Variants in SDK1 observed in about 807,000 individuals in gnomAD.
SDK1 encodes the protein protein sidekick-1.
A neutral mutation model predicts 245.5 loss-of-function variants in SDK1; 157 were observed. The ratio of observed to expected loss-of-function variants is 0.64; its 90% CI spans 0.56 to 0.73. SDK1 has a LOEUF of 0.73. SDK1 is among the 30% of genes least tolerant of loss of function. The probability of loss-of-function intolerance (pLI) is 0.00; values close to 1 mark genes in which losing one functional copy is unlikely to be tolerated. For missense variants in SDK1, 3,583 were observed against 3,002.3 expected (o/e 1.19, Z -4.52); for synonymous variants, 1,647 against 1,278.5 (o/e 1.29, Z -6.15).
chr7:4,092,623 C>A (rs951381290), intron 22 of SDK1, among the ~76,000 whole-genome samples: 1 of 152,172 alleles, frequency 6.6e-6, no homozygotes, highest in Non-Finnish European at 1.5e-5. Context: ...CTGTGCCTGG[C>A]CCTGGGCTAG....
chr7:4,266,968 C>T lies in SDK1; in HGVS notation c.*1584C>T. 1.0e-6 allele frequency: 1 copy of T among 985,540 alleles called. No individual in the cohort carries two copies. Among genetic ancestry groups the T allele is most frequent in the Non-Finnish European group, 1.2e-6 (1 of 829,996 alleles). 61.0% of individuals were successfully genotyped at this position (985,540 alleles called of 1,614,324 possible). ...ACCAGTGCCACCCAGGAGCCAGTCTCCTGGCCACATGCAGAAAGTGTGGCC... is the reference window on the plus strand; with the variant it reads ...ACCAGTGCCACCCAGGAGCCAGTCTTCTGGCCACATGCAGAAAGTGTGGCC... On this transcript the variant is annotated 3_prime_UTR_variant, in exon 45 of 45. Transcript: ENST00000404826.
chr7:4,037,880 A>G (rs1788332744), intron 17 of SDK1, among the ~76,000 whole-genome samples: 1 of 152,202 alleles, frequency 6.6e-6, no homozygotes, highest in South Asian at 2.1e-4. Flanking sequence ...TTTTACCATC[A>G]TTGGTATCCA....
intron 4 of SDK1, among the ~76,000 whole-genome samples, chr7:3,774,973 TG>T (rs1780511359): frequency 6.6e-6 from 1 of 152,148 alleles, no homozygotes; most frequent in South Asian, 2.1e-4. Context: ...GCCGGGGACC[TG>T]TGAAGGCTGG....
At chr7:3,637,535 G>C (rs970142947) in intron 2 of SDK1, among the ~76,000 whole-genome samples, 3 of 152,226 alleles carry the variant, frequency 2.0e-5, no homozygotes, top group African/African-American at 4.8e-5. Flanking sequence ...GGAGTTGTAA[G>C]ACGCATTTCG....
chr7:4,114,298 C>T, intron 25 of SDK1, 24 bp downstream of exon 25: 3 of 1,543,516 alleles, frequency 1.9e-6, no homozygotes, highest in Non-Finnish European at 2.6e-6. Flanking sequence ...GATTCCCATC[C>T]TGGAGACACC....
intron 1 of SDK1, among the ~76,000 whole-genome samples, chr7:3,428,631 CTCTG>C (rs1191365704): frequency 1.3e-5 from 2 of 152,152 alleles, no homozygotes; most frequent in East Asian, 1.9e-4. Flanking sequence ...CCTATAGGAA[CTCTG>C]TCTGTGCTTA....
At chr7:3,990,836 G>C (rs1353765509) in intron 14 of SDK1, among the ~76,000 whole-genome samples, 1 of 152,234 alleles carries the variant, frequency 6.6e-6, no homozygotes, top group East Asian at 1.9e-4. Flanking sequence ...AGAAGGCATG[G>C]CTTTGAGATG....
chr7:4,032,775 T>C (rs1320944720), intron 17 of SDK1, among the ~76,000 whole-genome samples: 3 of 152,100 alleles, frequency 2.0e-5, no homozygotes, highest in African/African-American at 4.8e-5. Flanking sequence ...ACTTAAGAAA[T>C]AGCAAACACA....
chr7:3,606,323 G>T (rs1196095383), intron 1 of SDK1, among the ~76,000 whole-genome samples: 4 of 152,112 alleles, frequency 2.6e-5, no homozygotes, highest in African/African-American at 7.2e-5. Context: ...TTCTCATCTG[G>T]ATTAACAAGA....
intron 4 of SDK1, among the ~76,000 whole-genome samples, chr7:3,697,154 AAT>A (rs1784598965): frequency 6.6e-6 from 1 of 152,236 alleles, no homozygotes; most frequent in African/African-American, 2.4e-5. Context: ...AGTGAACATC[AAT>A]GATCCCATGC....
At chr7:3,329,576 C>G (rs1016782873) in intron 1 of SDK1, among the ~76,000 whole-genome samples, 1 of 152,152 alleles carries the variant, frequency 6.6e-6, no homozygotes, top group East Asian at 1.9e-4. Flanking sequence ...TACTTTGCGT[C>G]TCTATAGATT....
At chr7:3,848,442 G>A (rs1026823910) in intron 5 of SDK1, among the ~76,000 whole-genome samples, 17 of 152,168 alleles carry the variant, frequency 1.1e-4, no homozygotes, top group Admixed American at 3.3e-4. Context: ...GGAGGAGGGT[G>A]ATCGTGAAAG....
At chr7:3,499,500 A>T (rs1782128367) in intron 1 of SDK1, among the ~76,000 whole-genome samples, 1 of 152,202 alleles carries the variant, frequency 6.6e-6, no homozygotes, top group African/African-American at 2.4e-5. Flanking sequence ...TAGAAGCCCC[A>T]TGTGTTCCTC....
At chr7:4,131,330 G>C (rs1187199663) in intron 27 of SDK1, among the ~76,000 whole-genome samples, 1 of 152,194 alleles carries the variant, frequency 6.6e-6, no homozygotes, top group Non-Finnish European at 1.5e-5. Context: ...CAGCCTGGGA[G>C]AGGGCTCAGG....
chr7:3,580,786 G>A (rs949263330), intron 1 of SDK1, among the ~76,000 whole-genome samples: 32 of 151,826 alleles, frequency 2.1e-4, no homozygotes, highest in African/African-American at 6.0e-4. Flanking sequence ...GGCTAACACC[G>A]TGAAACCCCA....
At chr7:3,664,488 C>G (rs1783463711) in intron 4 of SDK1, among the ~76,000 whole-genome samples, 1 of 152,080 alleles carries the variant, frequency 6.6e-6, no homozygotes, top group Non-Finnish European at 1.5e-5. Flanking sequence ...CCTGTAAACC[C>G]AGCACTTTGG....
intron 1 of SDK1, among the ~76,000 whole-genome samples, chr7:3,483,159 A>G (rs1781570808): frequency 1.3e-5 from 2 of 152,214 alleles, no homozygotes; most frequent in Admixed American, 1.3e-4. Flanking sequence ...TTTGATGAGG[A>G]TAGGGGTTAC....
intron 1 of SDK1, among the ~76,000 whole-genome samples, chr7:3,614,241 T>A (rs762001328): frequency 6.6e-6 from 1 of 152,246 alleles, no homozygotes; most frequent in Non-Finnish European, 1.5e-5. Flanking sequence ...ATAAATGATT[T>A]ATGTTCTATT....
intron 1 of SDK1, among the ~76,000 whole-genome samples, chr7:3,583,148 C>T (rs2128633310): frequency 6.6e-6 from 1 of 152,308 alleles, no homozygotes; most frequent in East Asian, 1.9e-4. Flanking sequence ...CAGCTGGTTC[C>T]TGCGTGTAGG....
Sources: gnomAD v4.1 joint callset for allele counts (sites outside exome capture counted in the v4.1 genomes callset) on GRCh38, gnomAD v4.1.1 for gene constraint, MANE v1.5 for transcripts, NCBI Gene and HGNC (gene_info 2026-07-23, HGNC 2026-07-21) for gene names.